NUDT17: variants seen among roughly 807,000 people sequenced by gnomAD.
The protein encoded by NUDT17 is m7GpppN-mRNA hydrolase NUDT17.
Under a neutral mutation model 38.6 loss-of-function variants are expected in NUDT17, and 38 were observed. That is an observed-to-expected ratio of 0.98 (90% CI 0.76 to 1.29). The LOEUF (loss-of-function observed/expected upper bound fraction) is 1.29. Among genes scored for constraint, NUDT17 ranks in the 50% most tolerant of loss-of-function variants. The pLI is 0.00. For missense variants in NUDT17, 462 were observed against 415.2 expected (o/e 1.11, Z -0.98); for synonymous variants, 192 against 167.8 (o/e 1.14, Z -1.11).
Position 145,848,484 on chromosome 1 carries a change from TA to T in NUDT17, c.*9del, listed in dbSNP as rs1326383483. ...AACCAGGGGTCTGGAAAGTGAAGTG[TA>T]AAATCCCCTCCCTAGCCCATCTCCA... is the stretch of plus-strand genomic sequence containing the variant. On this transcript the variant is annotated 3_prime_UTR_variant, in exon 8 of 8. Transcript: ENST00000334513. 3 of 1,593,532 alleles carry T rather than the reference TA, an allele frequency of 1.9e-6. No individual in the cohort carries two copies. Among genetic ancestry groups the T allele is most frequent in the Non-Finnish European group, 2.6e-6 (3 of 1,162,124 alleles).
intron 6 of NUDT17, among the ~76,000 whole-genome samples, 189 bp downstream of exon 6, chr1:145,847,908 T>C (rs1250414283): frequency 1.3e-5 from 2 of 152,210 alleles, no homozygotes; most frequent in African/African-American, 4.8e-5. Context: ...ATTCTTGCTC[T>C]AACTGGCTAG....
In NUDT17 at chr1:145,846,115, C is replaced by T. The variant is rs1553732370; in HGVS notation, c.295C>T (p.Leu99=). Residue 99 remains leucine, a synonymous_variant, in exon 2 of 8, where the codon CTG becomes TTG. Coordinates refer to ENST00000334513, the MANE Select transcript of NUDT17 (RefSeq NM_001012758.3). The part of the protein sequence containing the change: ...RGVDLGVAVI[L]QSSDKTVLLT... ...TGTGGACCTGGGTGTGGCCGTCATT[C>T]TGCAGTCCAGCGACAAGACTGTCTT... is the stretch of plus-strand genomic sequence containing the variant. 6 of 1,601,920 alleles carry T rather than the reference C, an allele frequency of 3.7e-6. No homozygotes were observed. Among genetic ancestry groups the T allele is most frequent in the Non-Finnish European group, 3.4e-6 (4 of 1,174,736 alleles).
intron 4 of NUDT17, among the ~76,000 whole-genome samples, 161 bp downstream of exon 4, chr1:145,846,851 GCCA>G (rs772895027): frequency 2.1e-3 from 327 of 152,262 alleles, no homozygotes; most frequent in Middle Eastern, 6.8e-3. Context: ...TCAGCTTTTG[GCCA>G]CCATTTTGTT....
chr1:145,847,498 C>A (rs1289736286), intron 5 of NUDT17, 85 bp from the exon 6 acceptor site: 1 of 1,568,308 alleles, frequency 6.4e-7, no homozygotes, highest in Admixed American at 1.7e-5. Context: ...CTGCCTTTCT[C>A]CATGAAACCT....
Position 145,847,196 on chromosome 1 carries a change from A to C in NUDT17, c.496-54A>C, listed in dbSNP as rs997298298. On this transcript the variant is annotated intron_variant, in intron 4 of 7. Transcript: ENST00000334513. Reference sequence around the variant, plus strand: ...GCGACAAGAGCGAAACTCCATCTTAAAAAAAAAAAAAAAGTGACGGAAAGT... The same window carrying C: ...GCGACAAGAGCGAAACTCCATCTTACAAAAAAAAAAAAAGTGACGGAAAGT... 8.9e-6 allele frequency: 7 copies of C among 786,606 alleles called. No individual in the cohort carries two copies. The African/African-American group carries it at 1.3e-4, about 14-fold the overall frequency. 48.7% of individuals were successfully genotyped at this position (786,606 alleles called of 1,614,324 possible). A position where few individuals can be genotyped will look rare whatever the true frequency, so the allele number is the denominator to read the frequency against.
In NUDT17 at chr1:145,846,691, G is replaced by A. The variant is rs781811532; in HGVS notation, c.495+1G>A. The A allele has an allele frequency of 2.5e-6, 4 of 1,602,578 alleles. No homozygotes were observed. The East Asian group carries it at 8.9e-5, about 36-fold the overall frequency. On this transcript the variant is annotated splice_donor_variant, in intron 4 of 7. Coordinates refer to ENST00000334513, the MANE Select transcript of NUDT17 (RefSeq NM_001012758.3). LOFTEE classifies it high-confidence loss of function. ...TTGGGTCCCTCTGGGTTTATGGGAG[G>A]TGAGACAAGTAGCTGGGAGAAGCTC...
intron 4 of NUDT17, 23 bp from the exon 5 acceptor site, chr1:145,847,227 C>A: frequency 7.4e-7 from 1 of 1,343,782 alleles, no homozygotes; most frequent in Non-Finnish European, 1.0e-6. Flanking sequence ...AAAGTTCTCA[C>A]TTTTGCTGTT....
chr1:145,845,682 G>C lies in NUDT17; in HGVS notation c.42G>C (p.Pro14=), dbSNP rs1336658173. Residue 14 remains proline (P), a synonymous_variant, in exon 1 of 8, where the codon CCG becomes CCC. Coordinates refer to ENST00000334513, the MANE Select transcript of NUDT17 (RefSeq NM_001012758.3). The stretch of plus-strand genomic sequence containing the variant: ...TGCAGCTGCTCCTGTCCCGGCGTCC[G>C]GAGTCGGTGAGCTTCGCACGGAGTG... ...VRVQLLLSRR[P]ESVSFARSVC... is the part of the protein sequence containing the mutation. The C allele has an allele frequency of 6.5e-7, 1 of 1,536,904 alleles. No homozygotes were observed. Among genetic ancestry groups the C allele is most frequent in the Non-Finnish European group, 8.8e-7 (1 of 1,136,354 alleles).
Position 145,846,103 on chromosome 1 carries a change from G to T in NUDT17, c.283G>T (p.Val95Leu), listed in dbSNP as rs1652649915. The change falls in exon 2 of 8, where the codon GTG becomes TTG. Residue 95 changes from valine to leucine, a missense_variant. Val to Leu is a conservative substitution (Grantham distance 32, BLOSUM62 1). Coordinates refer to ENST00000334513, the MANE Select transcript of NUDT17 (RefSeq NM_001012758.3). ...LPTDRGVDLG[V>L]AVILQSSDKT... is the part of the protein sequence containing the mutation. ...CACAGATCGAGGTGTGGACCTGGGTGTGGCCGTCATTCTGCAGTCCAGCGA... is the reference window on the plus strand; with the variant it reads ...CACAGATCGAGGTGTGGACCTGGGTTTGGCCGTCATTCTGCAGTCCAGCGA... 2 of 1,603,250 alleles carry T rather than the reference G, an allele frequency of 1.2e-6. No individual in the cohort carries two copies. The highest frequency in any genetic ancestry group is 4.5e-5 in the East Asian group (2 of 44,448).
At chr1:145,846,747 T>C in intron 4 of NUDT17, 57 bp downstream of exon 4, 1 of 1,205,956 alleles carries the variant, frequency 8.3e-7, no homozygotes, top group Non-Finnish European at 1.2e-6. Flanking sequence ...CTGCCTTGGC[T>C]ACAAGGGAAA....
chr1:145,846,693 G>A lies in NUDT17; in HGVS notation c.495+3G>A, dbSNP rs371833404. 31 of 1,599,810 alleles carry A rather than the reference G, an allele frequency of 1.9e-5. No individual in the cohort carries two copies. The African/African-American group carries it at 4.1e-4, about 21-fold the overall frequency. On this transcript the variant is annotated splice_donor_region_variant and intron_variant, in intron 4 of 7. Transcript: ENST00000334513. ...GGGTCCCTCTGGGTTTATGGGAGGTGAGACAAGTAGCTGGGAGAAGCTCCT... is the reference window on the plus strand; with the variant it reads ...GGGTCCCTCTGGGTTTATGGGAGGTAAGACAAGTAGCTGGGAGAAGCTCCT...
intron 4 of NUDT17, 44 bp downstream of exon 4, chr1:145,846,734 T>A: frequency 7.5e-7 from 1 of 1,339,026 alleles, no homozygotes; most frequent in South Asian, 1.2e-5. Context: ...GATCAGCCCC[T>A]ACCTGCCTTG....
chr1:145,848,365 A>G lies in NUDT17; in HGVS notation c.885-12A>G, dbSNP rs936181277. ...GCAGGAAAGGACAACCTCTCTTGGA[A>G]TTCCTCCACAGAACACCCCCACCGT... On this transcript the variant is annotated splice_polypyrimidine_tract_variant and intron_variant, in intron 7 of 7. Coordinates refer to ENST00000334513, the MANE Select transcript of NUDT17 (RefSeq NM_001012758.3). 9 of 1,613,578 alleles carry G rather than the reference A, an allele frequency of 5.6e-6. No individual in the cohort carries two copies. In the African/African-American group the frequency reaches 1.1e-4, roughly 19 times the overall value.
At position 145,847,644 on chromosome 1, in the gene NUDT17, C is replaced by G; in HGVS notation, c.656C>G (p.Ala219Gly). 6.2e-7 allele frequency: 1 copy of G among 1,614,086 alleles called. No individual in the cohort carries two copies. The highest frequency in any genetic ancestry group is 8.5e-7 in the Non-Finnish European group (1 of 1,179,994). Residue 219 changes from alanine (A) to glycine (G), a missense_variant, in exon 6 of 8, where the codon GCT becomes GGT. Coordinates refer to ENST00000334513, the MANE Select transcript of NUDT17 (RefSeq NM_001012758.3). ...CTTATGTGGCTGACACCAGATGTAGCTGCTGCAGTGGCTGCCGCAGAGGAT... is the reference window on the plus strand; with the variant it reads ...CTTATGTGGCTGACACCAGATGTAGGTGCTGCAGTGGCTGCCGCAGAGGAT... Reference protein sequence around the residue: ...SALMWLTPDVAAAVAAAEDGT... With the variant: ...SALMWLTPDVGAAVAAAEDGT...
rs1553733252 is a variant in NUDT17 at position 145,848,366 on chromosome 1, T to TGTGG, written c.885-11_885-10insGTGG. On this transcript the variant is annotated splice_polypyrimidine_tract_variant and intron_variant, in intron 7 of 7. Transcript: ENST00000334513. ...CAGGAAAGGACAACCTCTCTTGGAATTCCTCCACAGAACACCCCCACCGTG... is the reference window on the plus strand; with the variant it reads ...CAGGAAAGGACAACCTCTCTTGGAATGTGGTCCTCCACAGAACACCCCCACCGTG... 1 of 1,613,638 alleles carries TGTGG rather than the reference T, an allele frequency of 6.2e-7. No individual in the cohort carries two copies. The highest frequency in any genetic ancestry group is 8.5e-7 in the Non-Finnish European group (1 of 1,179,648).
At chr1:145,848,068 G>A in intron 6 of NUDT17, 44 bp from the exon 7 acceptor site, 1 of 1,610,142 alleles carries the variant, frequency 6.2e-7, no homozygotes, top group Non-Finnish European at 8.5e-7. Flanking sequence ...TAAGTTCTTT[G>A]TAAGCTACAA....
Position 145,848,212 on chromosome 1 carries a change from G to A in NUDT17, c.832G>A (p.Val278Ile). The A allele has an allele frequency of 2.5e-6, 4 of 1,614,230 alleles. No individual in the cohort carries two copies. The highest frequency in any genetic ancestry group is 3.4e-6 in the Non-Finnish European group (4 of 1,180,040). ...AACCATGGCAGAGGACAAAGAGAGA[G>A]TCAGCACTGGAACCAAGTTTGCCCT... ...IPTMAEDKERVSTGTKFALKL... is the reference protein window; with the variant it reads ...IPTMAEDKERISTGTKFALKL... The change falls in exon 7 of 8, where the codon GTC (valine) becomes ATC (isoleucine). Residue 278 changes from valine to isoleucine, a missense_variant. Physicochemically the swap from Val to Ile is conservative, Grantham distance 29. Coordinates refer to ENST00000334513, the MANE Select transcript of NUDT17 (RefSeq NM_001012758.3).
At position 145,846,930 on chromosome 1, in the gene NUDT17, G is replaced by A. The variant is rs112350658; in HGVS notation, c.495+240G>A. Among the ~76,000 whole-genome samples, 24 of 152,310 alleles carry A rather than the reference G, an allele frequency of 1.6e-4. No homozygotes were observed. The South Asian group carries it at 4.6e-3, about 29-fold the overall frequency. ...CAAAGGGCCGGGTGCGGTGGCTCAC[G>A]CCTGTAATCCCAACACTTTGGGAGG... On this transcript the variant is annotated intron_variant, in intron 4 of 7. Transcript: ENST00000334513.
rs1311485963 is a variant in NUDT17 at position 145,848,256 on chromosome 1, T to C, written c.876T>C (p.His292=). 4 of 1,614,008 alleles carry C rather than the reference T, an allele frequency of 2.5e-6. No homozygotes were observed. The highest frequency in any genetic ancestry group is 3.4e-6 in the Non-Finnish European group (4 of 1,180,030). The change falls in exon 7 of 8, where the codon CAT becomes CAC. Residue 292 remains histidine, a synonymous_variant. Transcript: ENST00000334513. ...TTGCCCTCAAGCTCTGGCTGCAACA[T>C]CTGGGCAGGTAAAAGTGAAAAAGGA... The part of the protein sequence containing the change: ...TKFALKLWLQ[H]LGRTPPPCKS...
Sources: gnomAD v4.1 joint callset for allele counts (sites outside exome capture counted in the v4.1 genomes callset) on GRCh38, gnomAD v4.1.1 for gene constraint, MANE v1.5 for transcripts, NCBI Gene and HGNC (gene_info 2026-07-23, HGNC 2026-07-21) for gene names.